The following PRKG1 variants were observed in gnomAD, a reference collection of about 807,000 sequenced individuals.
The protein encoded by PRKG1 is cGMP-dependent protein kinase 1.
In PRKG1, 35 loss-of-function variants were observed where a neutral mutation model predicts 88.1. The observed-to-expected ratio is 0.40, with a 90% CI of 0.30 to 0.53. The LOEUF is 0.53. Among genes scored for constraint, PRKG1 ranks in the 20% least tolerant of loss-of-function variants. PRKG1 has a pLI of 0.59. For synonymous variants in PRKG1, 303 were observed against 292.5 expected (o/e 1.04, Z -0.37); for missense variants, 540 against 839.8 (o/e 0.64, Z 4.41).
intron 4 of PRKG1, among the ~76,000 whole-genome samples, chr10:51,899,887 A>G (rs1841943395): frequency 6.6e-6 from 1 of 151,706 alleles, no homozygotes. Context: ...GCCCTTGGTG[A>G]TGAGTGAGTT....
intron 7 of PRKG1, among the ~76,000 whole-genome samples, chr10:52,085,364 A>G (rs1048405950): frequency 2.6e-5 from 4 of 151,454 alleles, no homozygotes; most frequent in Non-Finnish European, 4.4e-5. Context: ...TAACTCATCT[A>G]CTTTCACTGC....
At chr10:51,248,685 C>G (rs1325312475) in intron 2 of PRKG1, among the ~76,000 whole-genome samples, 1 of 151,630 alleles carries the variant, frequency 6.6e-6, no homozygotes, top group East Asian at 1.9e-4. Flanking sequence ...GAAGTGCTAA[C>G]TGAAATAGTG....
chr10:52,239,303 C>G (rs1490179373), intron 9 of PRKG1, among the ~76,000 whole-genome samples: 1 of 139,674 alleles, frequency 7.2e-6, no homozygotes, highest in African/African-American at 2.6e-5. Context: ...CACATGTACC[C>G]TAAAACTTAA....
intron 2 of PRKG1, among the ~76,000 whole-genome samples, chr10:51,294,347 C>T (rs1840662452): frequency 1.3e-5 from 2 of 152,086 alleles, no homozygotes; most frequent in Non-Finnish European, 2.9e-5. Flanking sequence ...TTTATGGTTT[C>T]AGGCCTTATG....
intron 10 of PRKG1, chr10:52,252,228 T>G (rs1841189479): frequency 6.6e-6 from 1 of 152,152 alleles, no homozygotes; most frequent in South Asian, 2.1e-4. Context: ...CACATATACA[T>G]ACATCTATAT....
chr10:51,283,480 G>A (rs1006054779), intron 2 of PRKG1, among the ~76,000 whole-genome samples: 5 of 152,036 alleles, frequency 3.3e-5, no homozygotes, highest in African/African-American at 4.8e-5. Context: ...TAGAGCTATT[G>A]GGCCATTATA....
chr10:51,004,018 C>T lies in PRKG1; in HGVS notation c.266+12374C>T, dbSNP rs753133129. On this transcript the variant is annotated intron_variant, in intron 1 of 17. Coordinates refer to the PRKG1 transcript ENST00000401604. ...CTGCAATTGATATTGTACACATTTT[C>T]TCATATGTTATTTATGTATTTATTT... Among the ~76,000 whole-genome samples, 232 of 152,188 alleles carry T rather than the reference C, an allele frequency of 1.5e-3. 1 individual carries two copies. The highest frequency in any genetic ancestry group is 0.014 in the Middle Eastern group (4 of 294).
intron 8 of PRKG1, among the ~76,000 whole-genome samples, chr10:52,155,501 C>T (rs1838067469): frequency 6.6e-6 from 1 of 151,754 alleles, no homozygotes; most frequent in Non-Finnish European, 1.5e-5. Flanking sequence ...ACATGCTTGA[C>T]TGGATAGTTT....
intron 2 of PRKG1, among the ~76,000 whole-genome samples, chr10:51,400,539 A>G (rs1215066122): frequency 1.3e-5 from 2 of 152,222 alleles, no homozygotes; most frequent in African/African-American, 4.8e-5. Context: ...TCAAACATCC[A>G]GACGTAGAAA....
intron 5 of PRKG1, among the ~76,000 whole-genome samples, chr10:52,013,679 C>T (rs1564429357): frequency 6.6e-6 from 1 of 152,062 alleles, no homozygotes; most frequent in Non-Finnish European, 1.5e-5. Flanking sequence ...AATGTAATTG[C>T]AGGCCTTGAT....
intron 2 of PRKG1, among the ~76,000 whole-genome samples, chr10:51,451,330 T>C (rs886540788): frequency 2.6e-5 from 4 of 151,836 alleles, no homozygotes; most frequent in South Asian, 2.1e-4. Context: ...ACTAACGTGA[T>C]TTGTTACTGT....
intron 5 of PRKG1, among the ~76,000 whole-genome samples, chr10:52,013,041 TAATAA>T (rs1844935878): frequency 6.6e-6 from 1 of 152,188 alleles, no homozygotes; most frequent in Non-Finnish European, 1.5e-5. Context: ...TGTTGTAGTC[TAATAA>T]AATAGTAAAC....
At chr10:51,837,194 A>G (rs1268234951) in intron 4 of PRKG1, among the ~76,000 whole-genome samples, 2 of 152,204 alleles carry the variant, frequency 1.3e-5, no homozygotes, top group Non-Finnish European at 2.9e-5. Flanking sequence ...TTGTCAAAGC[A>G]CAGCCTACAG....
intron 5 of PRKG1, among the ~76,000 whole-genome samples, chr10:52,045,640 G>A (rs914721868): frequency 6.6e-6 from 1 of 152,028 alleles, no homozygotes; most frequent in African/African-American, 2.4e-5. Flanking sequence ...GGCAAGTTTG[G>A]TGTCTTGAGG....
rs769449587 is a variant in PRKG1 at position 52,293,927 on chromosome 10, T to A, written c.*27T>A. On this transcript the variant is annotated 3_prime_UTR_variant, in exon 18 of 18. Coordinates refer to ENST00000373980, the MANE Select transcript of PRKG1 (RefSeq NM_006258.4). ...GTATTTCTCTTACCTGCTTCTGCCTTGCTGAAGACAGCTTTTTCTGAGACA... is the reference window on the plus strand; with the variant it reads ...GTATTTCTCTTACCTGCTTCTGCCTAGCTGAAGACAGCTTTTTCTGAGACA... 1 of 1,565,018 alleles carries A rather than the reference T, an allele frequency of 6.4e-7. No individual in the cohort carries two copies. The highest frequency in any genetic ancestry group is 8.8e-7 in the Non-Finnish European group (1 of 1,138,936).
intron 4 of PRKG1, among the ~76,000 whole-genome samples, chr10:51,839,901 C>T (rs1840227048): frequency 6.6e-6 from 1 of 152,156 alleles, no homozygotes; most frequent in African/African-American, 2.4e-5. Context: ...CCTATTTTTC[C>T]TAGAGCATGC....
chr10:51,061,178 T>C (rs1843688597), intron 1 of PRKG1, among the ~76,000 whole-genome samples: 1 of 151,932 alleles, frequency 6.6e-6, no homozygotes, highest in Admixed American at 6.6e-5. Flanking sequence ...CAGTTCCACA[T>C]GGGTGGAGAG....
rs1841331210 is a variant in PRKG1 at position 51,697,574 on chromosome 10, G to C, written c.593-107011G>C. 5.4e-6 allele frequency: 5 copies of C among 918,980 alleles called. No homozygotes were observed. In the African/African-American group the frequency reaches 8.5e-5, roughly 16 times the overall value. 56.9% of individuals were successfully genotyped at this position (918,980 alleles called of 1,614,324 possible). The stretch of plus-strand genomic sequence containing the variant: ...AAGAAAGAAAAAGAACAAAAAATAA[G>C]ATTAGGTTCTAGGAGGAGGGAAACC... On this transcript the variant is annotated intron_variant, in intron 3 of 17. Transcript: ENST00000373980.
intron 9 of PRKG1, among the ~76,000 whole-genome samples, chr10:52,224,188 T>C (rs7918883): frequency 0.94 from 143,666 of 152,108 alleles, 67,911 homozygotes; most frequent in Middle Eastern, 0.96. Context: ...TTGCTTCCTC[T>C]TCTCCTCTGC....
Sources: allele counts gnomAD v4.1 joint callset (sites outside exome capture counted in the v4.1 genomes callset), GRCh38; gene constraint gnomAD v4.1.1; transcripts MANE v1.5; gene names NCBI Gene and HGNC (gene_info 2026-07-23, HGNC 2026-07-21).